Variants in DCDC2C observed in about 807,000 individuals in gnomAD.
DCDC2C encodes the protein doublecortin domain-containing protein 2C.
DCDC2C carries 44 observed loss-of-function variants against 45.0 expected under a neutral mutation model. The ratio of observed to expected loss-of-function variants is 0.98; its 90% CI spans 0.77 to 1.26. The LOEUF (loss-of-function observed/expected upper bound fraction) is 1.26. Among genes scored for constraint, DCDC2C ranks in the 50% most tolerant of loss-of-function variants. DCDC2C has a pLI of 0.00. For missense variants in DCDC2C, 447 were observed against 468.9 expected (o/e 0.95, Z 0.43); for synonymous variants, 187 against 178.8 (o/e 1.05, Z -0.37).
intron 10 of DCDC2C, among the ~76,000 whole-genome samples, chr2:3,829,644 T>C (rs1671907005): frequency 6.6e-6 from 1 of 152,222 alleles, no homozygotes; most frequent in Non-Finnish European, 1.5e-5. Flanking sequence ...TGGTTTATTT[T>C]TTAATTCTTT....
At chr2:3,767,347 A>G (rs1371807683) in intron 6 of DCDC2C, among the ~76,000 whole-genome samples, 1 of 152,224 alleles carries the variant, frequency 6.6e-6, no homozygotes, top group Non-Finnish European at 1.5e-5. Context: ...AGGTTCCAGC[A>G]GGAACGGCTT....
intron 10 of DCDC2C, among the ~76,000 whole-genome samples, chr2:3,805,454 A>G (rs912095345): frequency 9.2e-5 from 14 of 152,152 alleles, no homozygotes; most frequent in African/African-American, 3.4e-4. Flanking sequence ...GTTTCTGGAG[A>G]ATCTATTTCT....
chr2:3,742,158 C>T (rs1167097437), intron 4 of DCDC2C, 110 bp downstream of exon 4: 17 of 1,254,334 alleles, frequency 1.4e-5, no homozygotes, highest in African/African-American at 3.1e-5. Context: ...TCACCATAAA[C>T]TCTTAATTTT....
rs371396878 is a variant in DCDC2C at position 3,748,131 on chromosome 2, C to T, written c.546-4632C>T. Among the ~76,000 whole-genome samples the T allele has an allele frequency of 4.6e-5, 7 of 152,164 alleles. No homozygotes were observed. In the South Asian group the frequency reaches 6.2e-4, roughly 14 times the overall value. On this transcript the variant is annotated intron_variant, in intron 4 of 10. Coordinates refer to ENST00000399143, the MANE Select transcript of DCDC2C (RefSeq NM_001287444.2). ...GGGAGTGAAGGCTGCTTGCAGACCT[C>T]GCTGAGAGGTTTGGGTAGTGAGTGT...
intron 8 of DCDC2C, among the ~76,000 whole-genome samples, chr2:3,771,320 T>C (rs1169372247): frequency 2.0e-5 from 3 of 152,124 alleles, no homozygotes; most frequent in Non-Finnish European, 2.9e-5. Context: ...GCTTATGAAA[T>C]CTTCCAGAAG....
chr2:3,846,054 G>C (rs1190119213), intron 10 of DCDC2C, among the ~76,000 whole-genome samples: 1 of 152,150 alleles, frequency 6.6e-6, no homozygotes, highest in Admixed American at 6.5e-5. Context: ...GAGACCTGTA[G>C]CTTGGAGGGA....
rs1264240009 is a variant in DCDC2C, at chr2:3,796,308, C to G, written c.1065+11208C>G. Reference sequence around the variant, plus strand: ...TTTTCTAGATATACAATCATGTCGTCTGCAAACAGGGACAACTTAAATTCT... The same window carrying G: ...TTTTCTAGATATACAATCATGTCGTGTGCAAACAGGGACAACTTAAATTCT... On this transcript the variant is annotated intron_variant, in intron 10 of 10. Coordinates refer to ENST00000399143, the MANE Select transcript of DCDC2C (RefSeq NM_001287444.2). Among the ~76,000 whole-genome samples, 7 of 106,462 alleles carry G rather than the reference C, an allele frequency of 6.6e-5. 3 individuals carry two copies. The highest frequency in any genetic ancestry group is 1.3e-4 in the Non-Finnish European group (7 of 54,062). 69.8% of individuals were successfully genotyped at this position (106,462 alleles called of 152,430 possible).
At chr2:3,778,509 G>A (rs1450646401) in intron 8 of DCDC2C, among the ~76,000 whole-genome samples, 1 of 152,220 alleles carries the variant, frequency 6.6e-6, no homozygotes, top group Admixed American at 6.5e-5. Flanking sequence ...AGGGCCCTGG[G>A]TGGGGTCCTC....
chr2:3,704,169 G>T (rs1032880531), intron 1 of DCDC2C, 131 bp downstream of exon 1: 3 of 909,228 alleles, frequency 3.3e-6, no homozygotes, highest in Non-Finnish European at 2.9e-6. Flanking sequence ...ATCTTTCGGC[G>T]TGGATCCAGC....
chr2:3,801,574 A>G lies in DCDC2C; in HGVS notation c.1065+16474A>G, dbSNP rs114387306. ...CAGTAGAAAAATGACAGTTGTATTT[A>G]TATGTTTAGGACAAAAGGGATCAAA... On this transcript the variant is annotated intron_variant, in intron 10 of 10. Transcript: ENST00000399143. Among the ~76,000 whole-genome samples, 1,185 of 152,376 alleles carry G rather than the reference A, an allele frequency of 7.8e-3. 14 individuals carry two copies. Among genetic ancestry groups the G allele is most frequent in the African/African-American group, 0.027 (1,138 of 41,590 alleles).
chr2:3,824,601 T>C (rs910638106), intron 10 of DCDC2C, among the ~76,000 whole-genome samples: 2 of 152,214 alleles, frequency 1.3e-5, no homozygotes, highest in Non-Finnish European at 2.9e-5. Context: ...AGTGCACCAC[T>C]GGCTTCAAAT....
chr2:3,714,619 T>C (rs960426470), intron 2 of DCDC2C, among the ~76,000 whole-genome samples: 1 of 152,216 alleles, frequency 6.6e-6, no homozygotes, highest in African/African-American at 2.4e-5. Flanking sequence ...ATTTGCTGAG[T>C]TGAATTTTTT....
chr2:3,731,464 G>A (rs540044533), intron 3 of DCDC2C, among the ~76,000 whole-genome samples: 3 of 152,334 alleles, frequency 2.0e-5, no homozygotes, highest in Non-Finnish European at 2.9e-5. Context: ...GCATAATTGG[G>A]TTGGTCATTG....
intron 10 of DCDC2C, among the ~76,000 whole-genome samples, chr2:3,814,999 C>A (rs1671517945): frequency 6.6e-6 from 1 of 152,254 alleles, no homozygotes; most frequent in Non-Finnish European, 1.5e-5. Context: ...TGGCTGCTGC[C>A]CCTACCCGAA....
intron 1 of DCDC2C, among the ~76,000 whole-genome samples, chr2:3,707,069 C>T (rs1668082525): frequency 6.6e-6 from 1 of 152,132 alleles, no homozygotes; most frequent in South Asian, 2.1e-4. Flanking sequence ...CCTCATGGTC[C>T]CATCACTGCT....
intron 6 of DCDC2C, among the ~76,000 whole-genome samples, chr2:3,759,220 ACT>A (rs1482839207): frequency 2.0e-5 from 3 of 151,952 alleles, no homozygotes; most frequent in African/African-American, 7.3e-5. Context: ...GAAGAGTCAG[ACT>A]CTGGATGTAA....
chr2:3,776,962 GT>G (rs1238212094), intron 8 of DCDC2C, among the ~76,000 whole-genome samples: 10 of 152,112 alleles, frequency 6.6e-5, no homozygotes, highest in Non-Finnish European at 1.3e-4. Flanking sequence ...CTTGGACTCT[GT>G]AGTTTTACCT....
intron 2 of DCDC2C, among the ~76,000 whole-genome samples, chr2:3,715,680 A>T (rs1022434999): frequency 6.6e-6 from 1 of 152,148 alleles, no homozygotes; most frequent in African/African-American, 2.4e-5. Context: ...CACAGCAGCA[A>T]CACAAAACCA....
intron 10 of DCDC2C, among the ~76,000 whole-genome samples, chr2:3,823,807 C>T (rs767702300): frequency 1.3e-5 from 2 of 151,864 alleles, no homozygotes; most frequent in African/African-American, 4.8e-5. Flanking sequence ...CTGTAATTTT[C>T]ATCTTTGTTT....
Sources: allele counts gnomAD v4.1 joint callset (sites outside exome capture counted in the v4.1 genomes callset), GRCh38; gene constraint gnomAD v4.1.1; transcripts MANE v1.5; gene names NCBI Gene and HGNC (gene_info 2026-07-23, HGNC 2026-07-21).